The following TMEM233 variants were observed in gnomAD, a reference collection of about 807,000 sequenced individuals.
TMEM233 encodes the protein dispanin subfamily B member 2.
Under a neutral mutation model 11.2 loss-of-function variants are expected in TMEM233, and 6 were observed. The ratio of observed to expected loss-of-function variants is 0.54; its 90% CI spans 0.29 to 1.06. The LOEUF (loss-of-function observed/expected upper bound fraction) is 1.06, where lower values mean the gene tolerates loss of function less well. Among genes scored for constraint, TMEM233 ranks in the 50% least tolerant of loss-of-function variants. The pLI is 0.08. For synonymous variants in TMEM233, 59 were observed against 55.8 expected, an observed-to-expected ratio of 1.06 and a Z score of -0.26; for missense variants, 127 against 144.7, an observed-to-expected ratio of 0.88 and a Z score of 0.63.
chr12:119,615,877 G>A (rs1381434498), intron 1 of TMEM233, among the ~76,000 whole-genome samples: 2 of 152,094 alleles, frequency 1.3e-5, no homozygotes, highest in African/African-American at 4.8e-5. Context: ...TTTTCTTTGA[G>A]GTGTGGATGC....
rs776081298 is a variant in TMEM233 at position 119,593,845 on chromosome 12, G to T, written c.-4G>T. On this transcript the variant is annotated 5_prime_UTR_variant, in exon 1 of 3. Transcript: ENST00000426426. The surrounding 1 kb of genome is among the most constrained non-coding windows in gnomAD (Gnocchi z 4.1). ...CCGCCCTCCCGGCGCCGCCGGCCTC[G>T]CCCATGTCTCAGTACGCCCCTAGCC... The T allele has an allele frequency of 1.3e-6, 2 of 1,550,556 alleles. No individual in the cohort carries two copies. The highest frequency in any genetic ancestry group is 2.7e-5 in the African/African-American group (2 of 73,006).
At chr12:119,597,424 G>C (rs1035863459) in intron 1 of TMEM233, among the ~76,000 whole-genome samples, 1 of 151,908 alleles carries the variant, frequency 6.6e-6, no homozygotes. Flanking sequence ...ACATGGATGT[G>C]TGGAACATAC....
chr12:119,603,990 A>G (rs1954216927), intron 1 of TMEM233, among the ~76,000 whole-genome samples: 1 of 152,238 alleles, frequency 6.6e-6, no homozygotes, highest in African/African-American at 2.4e-5. Flanking sequence ...TTGGTTCACA[A>G]GGATAATTTT....
chr12:119,640,081 T>A (rs1566116267), intron 2 of TMEM233, among the ~76,000 whole-genome samples: 2 of 152,332 alleles, frequency 1.3e-5, no homozygotes, highest in East Asian at 3.9e-4. Flanking sequence ...ACTATACTAA[T>A]CCTTGGGGAG....
chr12:119,645,264 C>T (rs1303221556), downstream of TMEM233, among the ~76,000 whole-genome samples: 11 of 128,722 alleles, frequency 8.5e-5, no homozygotes, highest in Admixed American at 1.0e-3. Context: ...TATCTTGATA[C>T]GTAACCCTAG....
chr12:119,604,770 T>C (rs1449556411), intron 1 of TMEM233, among the ~76,000 whole-genome samples: 1 of 152,164 alleles, frequency 6.6e-6, no homozygotes, highest in Non-Finnish European at 1.5e-5. Context: ...AGTGCTGGAA[T>C]TACAGACATG....
At chr12:119,627,885 C>T (rs182576670) in intron 1 of TMEM233, among the ~76,000 whole-genome samples, 1 of 152,340 alleles carries the variant, frequency 6.6e-6, no homozygotes, top group African/African-American at 2.4e-5. Context: ...AAGCTACCAC[C>T]CCTTTCCAGG....
chr12:119,608,938 A>G (rs1954339031), intron 1 of TMEM233, among the ~76,000 whole-genome samples: 1 of 152,144 alleles, frequency 6.6e-6, no homozygotes, highest in African/African-American at 2.4e-5. Context: ...ATGAATTAAT[A>G]GAGTAAACTG....
At chr12:119,605,409 C>CTTTTTTTTT (rs6144897) in intron 1 of TMEM233, among the ~76,000 whole-genome samples, 7 of 93,644 alleles carry the variant, frequency 7.5e-5, no homozygotes, top group African/African-American at 2.2e-4. Flanking sequence ...TATGCCTTTC[C>CTTTTTTTTT]TTTTTTTTTT....
At chr12:119,651,298 C>G in the TMEM233 span, among the ~76,000 whole-genome samples, 1 of 152,212 alleles carries the variant, frequency 6.6e-6, no homozygotes. Context: ...AAACTGGTTT[C>G]TCTCATGGGA....
At chr12:119,651,009 A>C in the TMEM233 span, among the ~76,000 whole-genome samples, 2 of 152,242 alleles carry the variant, frequency 1.3e-5, no homozygotes, top group African/African-American at 4.8e-5. Flanking sequence ...TTCTATGCAC[A>C]ATAATTAATA....
chr12:119,612,980 C>T (rs1473293938), intron 1 of TMEM233, among the ~76,000 whole-genome samples: 1 of 151,648 alleles, frequency 6.6e-6, no homozygotes, highest in Non-Finnish European at 1.5e-5. Flanking sequence ...TATTATTATA[C>T]TTTAAGTTCT....
At position 119,593,942 on chromosome 12, in the gene TMEM233, C is replaced by A. The variant is rs565388773; in HGVS notation, c.94C>A (p.Pro32Thr). 2.6e-5 allele frequency: 40 copies of A among 1,551,740 alleles called. No individual in the cohort carries two copies. In the East Asian group the frequency reaches 5.6e-4, roughly 22 times the overall value. ...AGATGACAAGACCGAGGAGGACGTG[C>A]CCATGCCCAAGAACTACCTGTGGCT... ...TEDDKTEEDV[P>T]MPKNYLWLTI... The change falls in exon 1 of 3, where the codon CCC becomes ACC. Residue 32 changes from proline to threonine, a missense_variant. By Grantham distance (38) the Pro-to-Thr change is conservative. Coordinates refer to ENST00000426426, the MANE Select transcript of TMEM233 (RefSeq NM_001136534.3). The surrounding 1 kb of genome is among the most constrained non-coding windows in gnomAD (Gnocchi z 4.1).
intron 1 of TMEM233, among the ~76,000 whole-genome samples, chr12:119,624,936 G>T (rs1954720016): frequency 6.6e-6 from 1 of 152,120 alleles, no homozygotes. Context: ...ATAGAGCCTG[G>T]TTCTCTGTAT....
At position 119,639,561 on chromosome 12, in the gene TMEM233, G is replaced by A. The variant is rs189940119; in HGVS notation, c.324-1138G>A. ...GGCATGAACCCAGGAGGTGGAGGTT[G>A]CAGTGAGCCGAGATCATGCCACTGC... On this transcript the variant is annotated intron_variant, in intron 2 of 2. Coordinates refer to ENST00000426426, the MANE Select transcript of TMEM233 (RefSeq NM_001136534.3). Among the ~76,000 whole-genome samples the A allele has an allele frequency of 3.7e-3, 568 of 152,106 alleles. 6 individuals are homozygous for A. The highest frequency in any genetic ancestry group is 0.013 in the African/African-American group (533 of 41,466).
At chr12:119,644,728 CT>C (rs1038791171), downstream of TMEM233, among the ~76,000 whole-genome samples, 14 of 152,166 alleles carry the variant, frequency 9.2e-5, no homozygotes, top group African/African-American at 3.4e-4. Context: ...ATCCACCCAC[CT>C]CGGCCTCCCA....
intron 1 of TMEM233, among the ~76,000 whole-genome samples, chr12:119,625,967 C>T (rs1954748061): frequency 6.6e-6 from 1 of 152,110 alleles, no homozygotes; most frequent in Non-Finnish European, 1.5e-5. Context: ...TAGACACGAT[C>T]AAGGATCATA....
intron 1 of TMEM233, among the ~76,000 whole-genome samples, chr12:119,617,523 C>G (rs1954559878): frequency 6.6e-6 from 1 of 152,066 alleles, no homozygotes; most frequent in African/African-American, 2.4e-5. Context: ...AAATTTGCAG[C>G]CCGATGATGT....
chr12:119,636,808 G>C (rs895941571), intron 2 of TMEM233, among the ~76,000 whole-genome samples: 1 of 152,234 alleles, frequency 6.6e-6, no homozygotes, highest in African/African-American at 2.4e-5. Flanking sequence ...TTACTCAGGA[G>C]TAAGGTTCTC....
Sources: allele counts gnomAD v4.1 joint callset (sites outside exome capture counted in the v4.1 genomes callset), GRCh38; gene constraint gnomAD v4.1.1; non-coding constraint Gnocchi (gnomAD v3.1); transcripts MANE v1.5; gene names NCBI Gene and HGNC (gene_info 2026-07-23, HGNC 2026-07-21).